CACNB2: variants seen among roughly 807,000 people sequenced by gnomAD.
CACNB2 encodes voltage-dependent L-type calcium channel subunit beta-2.
A neutral mutation model predicts 73.3 loss-of-function variants in CACNB2; 42 were observed. The observed-to-expected ratio is 0.57, with a 90% CI of 0.45 to 0.74. The LOEUF is 0.74. CACNB2 is among the 30% of genes least tolerant of loss of function. The pLI, the probability that CACNB2 is intolerant of heterozygous loss-of-function variation, is 0.00. For synonymous variants in CACNB2, 348 were observed against 310.3 expected, an observed-to-expected ratio of 1.12 and a Z score of -1.28; for missense variants, 940 against 853.0, an observed-to-expected ratio of 1.10 and a Z score of -1.27.
intron 10 of CACNB2, among the ~76,000 whole-genome samples, chr10:18,528,544 G>C (rs989565235): frequency 6.6e-6 from 1 of 152,000 alleles, no homozygotes; most frequent in Admixed American, 6.6e-5. Context: ...CTGAGAGGCT[G>C]GTTTCTAACA....
chr10:18,350,453 ACTGCCTGTGCCTC>A (rs1205509699), intron 2 of CACNB2, among the ~76,000 whole-genome samples: 6 of 152,202 alleles, frequency 3.9e-5, no homozygotes, highest in Non-Finnish European at 7.3e-5. Context: ...CCCACACAGC[ACTGCCTGTGCCTC>A]CTTGTTGTTT....
At chr10:18,392,564 A>G (rs759404896) in intron 2 of CACNB2, among the ~76,000 whole-genome samples, 16 of 152,158 alleles carry the variant, frequency 1.1e-4, no homozygotes, top group Non-Finnish European at 1.8e-4. Flanking sequence ...AGGAGAGGGG[A>G]AAACTGGACA....
At chr10:18,372,264 A>T (rs565047069) in intron 2 of CACNB2, among the ~76,000 whole-genome samples, 2 of 152,304 alleles carry the variant, frequency 1.3e-5, no homozygotes, top group South Asian at 4.1e-4. Flanking sequence ...TGTTTTAGAC[A>T]TGAAGTCCTT....
chr10:18,266,508 G>A (rs543275827), intron 2 of CACNB2, among the ~76,000 whole-genome samples: 49 of 149,170 alleles, frequency 3.3e-4, no homozygotes, highest in Non-Finnish European at 6.4e-4. Context: ...TAGAATGTAG[G>A]TAGTATAGTT....
At chr10:18,290,378 G>C (rs191595139) in intron 2 of CACNB2, among the ~76,000 whole-genome samples, 2 of 151,830 alleles carry the variant, frequency 1.3e-5, no homozygotes, top group African/African-American at 4.8e-5. Flanking sequence ...ATTGCTTGAG[G>C]CTGAGTATAT....
At chr10:18,236,131 G>T (rs2036433926) in intron 2 of CACNB2, among the ~76,000 whole-genome samples, 1 of 152,084 alleles carries the variant, frequency 6.6e-6, no homozygotes, top group South Asian at 2.1e-4. Flanking sequence ...CCAGTCTCAG[G>T]TATTTCTTTC....
At chr10:18,453,320 G>C (rs1029161030) in intron 3 of CACNB2, among the ~76,000 whole-genome samples, 3 of 152,132 alleles carry the variant, frequency 2.0e-5, no homozygotes, top group African/African-American at 7.2e-5. Flanking sequence ...GGTTTAAAAG[G>C]CAGTGCGTAA....
chr10:18,392,837 C>T (rs184633754), intron 2 of CACNB2, among the ~76,000 whole-genome samples: 1 of 152,148 alleles, frequency 6.6e-6, no homozygotes, highest in Non-Finnish European at 1.5e-5. Flanking sequence ...CACTATTTTT[C>T]TGCTCCCTGC....
intron 2 of CACNB2, among the ~76,000 whole-genome samples, chr10:18,184,957 A>G (rs949277428): frequency 6.6e-6 from 1 of 152,004 alleles, no homozygotes; most frequent in Non-Finnish European, 1.5e-5. Context: ...CTGCCACTTC[A>G]GCCTCCTGAG....
At chr10:18,226,010 ATTTTCTTTTC>A (rs761871384) in intron 2 of CACNB2, among the ~76,000 whole-genome samples, 2 of 146,714 alleles carry the variant, frequency 1.4e-5, no homozygotes, top group Admixed American at 6.7e-5. Flanking sequence ...CTTTTTTTTA[ATTTTCTTTTC>A]TTTTCTTTTC....
At chr10:18,346,862 G>T (rs1329559200) in intron 2 of CACNB2, among the ~76,000 whole-genome samples, 2 of 152,150 alleles carry the variant, frequency 1.3e-5, no homozygotes, top group African/African-American at 4.8e-5. Context: ...CTCCCAAAGT[G>T]CTGGGATTAC....
chr10:18,462,827 A>G lies in CACNB2; in HGVS notation c.334-35528A>G, dbSNP rs529395287. Among the ~76,000 whole-genome samples the G allele has an allele frequency of 7.0e-4, 107 of 152,112 alleles. 2 individuals are homozygous for G. The highest frequency in any genetic ancestry group is 2.4e-3 in the African/African-American group (99 of 41,500). On this transcript the variant is annotated intron_variant, in intron 3 of 13. Coordinates refer to ENST00000324631, the MANE Select transcript of CACNB2 (RefSeq NM_201596.3). ...AGGCTGGAGTGCAGTGACACGATCTAGTCTCACTGCAACCTCCACCTCCCA... is the reference window on the plus strand; with the variant it reads ...AGGCTGGAGTGCAGTGACACGATCTGGTCTCACTGCAACCTCCACCTCCCA...
chr10:18,319,225 A>C (rs1233549090), intron 2 of CACNB2, among the ~76,000 whole-genome samples: 5 of 152,224 alleles, frequency 3.3e-5, no homozygotes. Flanking sequence ...AGACTGGATA[A>C]AGAAAATGTG....
At position 18,199,548 on chromosome 10, in the gene CACNB2, T is replaced by G. The variant is rs563087462; in HGVS notation, c.213+48573T>G. Reference sequence around the variant, plus strand: ...AGAGAGAGCCAGAAGGCTAGCATGGTTGGAGTGCACTGATGGAGAAGGAGT... The same window carrying G: ...AGAGAGAGCCAGAAGGCTAGCATGGGTGGAGTGCACTGATGGAGAAGGAGT... On this transcript the variant is annotated intron_variant, in intron 2 of 13. Coordinates refer to ENST00000324631, the MANE Select transcript of CACNB2 (RefSeq NM_201596.3). Among the ~76,000 whole-genome samples, 5 of 152,080 alleles carry G rather than the reference T, an allele frequency of 3.3e-5. No individual in the cohort carries two copies. In the South Asian group the frequency reaches 1.0e-3, roughly 32 times the overall value.
intron 2 of CACNB2, among the ~76,000 whole-genome samples, chr10:18,249,261 A>G (rs1250158833): frequency 6.6e-6 from 1 of 152,124 alleles, no homozygotes; most frequent in African/African-American, 2.4e-5. Context: ...ATCTGAGCCA[A>G]CCACTCTGCT....
intron 2 of CACNB2, among the ~76,000 whole-genome samples, chr10:18,240,599 C>T (rs552939888): frequency 6.6e-6 from 1 of 152,288 alleles, no homozygotes; most frequent in African/African-American, 2.4e-5. Flanking sequence ...TTGAAACTTG[C>T]GATCTTGTCT....
At chr10:18,492,634 A>AAAG (rs1554830137) in intron 3 of CACNB2, among the ~76,000 whole-genome samples, 5 of 130,330 alleles carry the variant, frequency 3.8e-5, no homozygotes, top group East Asian at 2.3e-4. Flanking sequence ...AAAAAAAAAA[A>AAAG]AAAAGAAAAA....
intron 2 of CACNB2, among the ~76,000 whole-genome samples, chr10:18,166,833 A>G (rs1351575082): frequency 6.6e-6 from 1 of 152,214 alleles, no homozygotes; most frequent in Non-Finnish European, 1.5e-5. Flanking sequence ...AACATGGCAC[A>G]TGTATACATA....
At chr10:18,424,906 C>T (rs190649789) in intron 3 of CACNB2, among the ~76,000 whole-genome samples, 2 of 152,284 alleles carry the variant, frequency 1.3e-5, no homozygotes, top group East Asian at 3.9e-4. Flanking sequence ...TAATCCCAGT[C>T]TGGAAGCATT....
Sources: gnomAD v4.1 joint callset for allele counts (sites outside exome capture counted in the v4.1 genomes callset) on GRCh38, gnomAD v4.1.1 for gene constraint, MANE v1.5 for transcripts, NCBI Gene and HGNC (gene_info 2026-07-23, HGNC 2026-07-21) for gene names.